Variants in ATXN1 observed in about 807,000 individuals in gnomAD.
ATXN1 encodes the protein ataxin-1.
ATXN1 carries 8 observed loss-of-function variants against 56.4 expected under a neutral mutation model. That is an observed-to-expected ratio of 0.14 (90% confidence interval 0.08 to 0.26). ATXN1 has a LOEUF of 0.26. Ranked by LOEUF, ATXN1 falls within the 10% of genes least tolerant of loss-of-function variation. The probability of loss-of-function intolerance (pLI) is 1.00; values close to 1 mark genes in which losing one functional copy is unlikely to be tolerated. For missense variants in ATXN1, 987 were observed against 1,106.5 expected (o/e 0.89, Z 1.53); for synonymous variants, 514 against 494.6 (o/e 1.04, Z -0.52).
chr6:16,458,829 C>T (rs1759932943), intron 6 of ATXN1, among the ~76,000 whole-genome samples: 1 of 152,246 alleles, frequency 6.6e-6, no homozygotes, highest in Admixed American at 6.5e-5. Flanking sequence ...CAAAGGTTCT[C>T]CGGGCCAGAA....
intron 4 of ATXN1, among the ~76,000 whole-genome samples, chr6:16,538,970 G>C (rs1360955119): frequency 6.6e-6 from 1 of 152,188 alleles, no homozygotes; most frequent in Non-Finnish European, 1.5e-5. Flanking sequence ...ACAGGCATGA[G>C]TCACTGCGCC....
At chr6:16,660,422 G>T (rs1758292434) in intron 2 of ATXN1, among the ~76,000 whole-genome samples, 1 of 152,170 alleles carries the variant, frequency 6.6e-6, no homozygotes, top group African/African-American at 2.4e-5. Flanking sequence ...AAAATTTTCT[G>T]AACAGTTATA....
At chr6:16,591,087 CTG>C (rs1762713911) in intron 3 of ATXN1, among the ~76,000 whole-genome samples, 1 of 152,042 alleles carries the variant, frequency 6.6e-6, no homozygotes. Flanking sequence ...TCCCAAAGTG[CTG>C]TGATTACAGG....
intron 4 of ATXN1, among the ~76,000 whole-genome samples, chr6:16,567,016 C>T (rs867372476): frequency 2.0e-5 from 3 of 152,196 alleles, no homozygotes; most frequent in Non-Finnish European, 4.4e-5. Flanking sequence ...ATTATAATGC[C>T]TCACCTTTAA....
At chr6:16,753,040 G>A (rs146442502) in intron 2 of ATXN1, 193 bp downstream of exon 2, 4 of 350,402 alleles carry the variant, frequency 1.1e-5, no homozygotes, top group African/African-American at 8.6e-5. Flanking sequence ...AAACCAAATA[G>A]ATAGATACTT....
At chr6:16,441,967 T>C (rs546958863) in intron 6 of ATXN1, among the ~76,000 whole-genome samples, 2 of 152,106 alleles carry the variant, frequency 1.3e-5, no homozygotes, top group African/African-American at 4.8e-5. Flanking sequence ...AAATCGTGAC[T>C]GAAGCACAAA....
At chr6:16,698,765 C>T (rs1759219929) in intron 2 of ATXN1, among the ~76,000 whole-genome samples, 1 of 151,460 alleles carries the variant, frequency 6.6e-6, no homozygotes, top group Non-Finnish European at 1.5e-5. Flanking sequence ...ATCAAACAAA[C>T]AGGCTGTGTG....
chr6:16,461,832 AC>A (rs1760004878), intron 6 of ATXN1, among the ~76,000 whole-genome samples: 1 of 152,174 alleles, frequency 6.6e-6, no homozygotes, highest in South Asian at 2.1e-4. Context: ...GAGAAGGCAA[AC>A]GAAACACTCA....
chr6:16,355,585 G>A (rs565538512), intron 6 of ATXN1, among the ~76,000 whole-genome samples: 8 of 150,640 alleles, frequency 5.3e-5, no homozygotes, highest in South Asian at 2.1e-4. Context: ...TTTTTGAGAC[G>A]GAGTCTCGCT....
intron 5 of ATXN1, 35 bp downstream of exon 5, chr6:16,522,592 G>A (rs1761314449): frequency 6.6e-6 from 1 of 152,044 alleles, no homozygotes; most frequent in South Asian, 2.1e-4. Flanking sequence ...TTTGATGTGG[G>A]TAAAAATACA....
intron 2 of ATXN1, among the ~76,000 whole-genome samples, chr6:16,710,754 AT>A (rs1759506369): frequency 6.6e-6 from 1 of 151,152 alleles, no homozygotes; most frequent in African/African-American, 2.4e-5. Flanking sequence ...CACCCAGCTG[AT>A]TTTTGTATTT....
intron 4 of ATXN1, among the ~76,000 whole-genome samples, chr6:16,548,434 A>C (rs2113724729): frequency 6.6e-6 from 1 of 152,344 alleles, no homozygotes; most frequent in Admixed American, 6.5e-5. Flanking sequence ...TTTCTTCAAT[A>C]ATAAATTAAA....
At chr6:16,455,255 G>C (rs756015870) in intron 6 of ATXN1, among the ~76,000 whole-genome samples, 5 of 152,144 alleles carry the variant, frequency 3.3e-5, no homozygotes, top group Non-Finnish European at 7.4e-5. Flanking sequence ...TTTTTAAAAT[G>C]GACAAAAGAC....
At chr6:16,413,875 G>T (rs1222964548) in intron 6 of ATXN1, among the ~76,000 whole-genome samples, 3 of 152,150 alleles carry the variant, frequency 2.0e-5, no homozygotes, top group Non-Finnish European at 4.4e-5. Flanking sequence ...TAATAAGGAG[G>T]TGGTTATTTG....
At chr6:16,537,657 G>A (rs1466289387) in intron 4 of ATXN1, among the ~76,000 whole-genome samples, 1 of 150,336 alleles carries the variant, frequency 6.7e-6, no homozygotes, top group East Asian at 2.0e-4. Context: ...AGTGAGCCGA[G>A]ACTGCACCAC....
At chr6:16,670,048 T>C (rs1014984) in intron 2 of ATXN1, among the ~76,000 whole-genome samples, 98,765 of 151,778 alleles carry the variant, frequency 0.65, 32,380 homozygotes, top group East Asian at 0.74. Flanking sequence ...CTCCTGGGTC[T>C]GGTCACTTCT....
chr6:16,741,024 T>C (rs1760322639), intron 2 of ATXN1, among the ~76,000 whole-genome samples: 1 of 152,162 alleles, frequency 6.6e-6, no homozygotes, highest in Non-Finnish European at 1.5e-5. Flanking sequence ...ATTTCTGGGG[T>C]ATCTTGGCTG....
chr6:16,503,767 A>G (rs138617413), intron 5 of ATXN1, among the ~76,000 whole-genome samples: 18 of 152,290 alleles, frequency 1.2e-4, no homozygotes, highest in African/African-American at 3.6e-4. Flanking sequence ...CTTTCATCAA[A>G]CTAGGGAAAA....
intron 5 of ATXN1, among the ~76,000 whole-genome samples, chr6:16,521,979 A>G (rs1240571118): frequency 6.6e-6 from 1 of 152,216 alleles, no homozygotes; most frequent in Non-Finnish European, 1.5e-5. Flanking sequence ...TCATTATTAG[A>G]TTACCAAGAC....
Sources: gnomAD v4.1 joint callset for allele counts (sites outside exome capture counted in the v4.1 genomes callset) on GRCh38, gnomAD v4.1.1 for gene constraint, MANE v1.5 for transcripts, NCBI Gene and HGNC (gene_info 2026-07-23, HGNC 2026-07-21) for gene names.